CNTN5: variants seen among roughly 807,000 people sequenced by gnomAD.
CNTN5 encodes contactin 5.
In CNTN5, 77 loss-of-function variants were observed where a neutral mutation model predicts 129.1. The ratio of observed to expected loss-of-function variants is 0.60; its 90% CI spans 0.50 to 0.72. CNTN5 has a LOEUF of 0.72. Among genes scored for constraint, CNTN5 ranks in the 30% least tolerant of loss-of-function variants. The pLI, the probability that CNTN5 is intolerant of heterozygous loss-of-function variation, is 0.00. For missense variants in CNTN5, 1,478 were observed against 1,328.8 expected, an observed-to-expected ratio of 1.11 and a Z score of -1.75; for synonymous variants, 509 against 465.6, an observed-to-expected ratio of 1.09 and a Z score of -1.20.
intron 6 of CNTN5, among the ~76,000 whole-genome samples, chr11:99,853,267 C>T (rs1049912482): frequency 1.3e-5 from 2 of 151,972 alleles, no homozygotes; most frequent in African/African-American, 4.8e-5. Context: ...TGCTATGTTT[C>T]ATGTGTAACG....
chr11:99,810,089 A>G (rs1272296797), intron 3 of CNTN5, among the ~76,000 whole-genome samples: 1 of 152,128 alleles, frequency 6.6e-6, no homozygotes, highest in African/African-American at 2.4e-5. Flanking sequence ...ATAGGTTTTT[A>G]AAAACTTAAC....
At position 99,836,546 on chromosome 11, in the gene CNTN5, T is replaced by C. The variant is rs532443698; in HGVS notation, c.278-8306T>C. Reference sequence around the variant, plus strand: ...TTTTCTTAATCCAGTCTATCATTGATGGACATTTGGGTTGGTTCCAAGTCT... The same window carrying C: ...TTTTCTTAATCCAGTCTATCATTGACGGACATTTGGGTTGGTTCCAAGTCT... On this transcript the variant is annotated intron_variant, in intron 4 of 24. Transcript: ENST00000524871. Among the ~76,000 whole-genome samples the C allele has an allele frequency of 4.2e-4, 64 of 152,286 alleles. No homozygotes were observed. In the South Asian group the frequency reaches 0.013, roughly 31 times the overall value.
intron 1 of CNTN5, among the ~76,000 whole-genome samples, chr11:99,079,468 T>C (rs1865708181): frequency 6.6e-6 from 1 of 152,192 alleles, no homozygotes; most frequent in South Asian, 2.1e-4. Context: ...CAGTAAGCGC[T>C]GTCAAATAAA....
At chr11:99,971,807 T>C (rs926245700) in intron 8 of CNTN5, among the ~76,000 whole-genome samples, 4 of 151,686 alleles carry the variant, frequency 2.6e-5, no homozygotes, top group African/African-American at 4.9e-5. Flanking sequence ...TATTTAGCAA[T>C]AAACATTTTT....
At chr11:99,818,677 G>A (rs984562634) in intron 3 of CNTN5, among the ~76,000 whole-genome samples, 1 of 151,768 alleles carries the variant, frequency 6.6e-6, no homozygotes, top group Non-Finnish European at 1.5e-5. Flanking sequence ...TAATTAGTTT[G>A]TATTTTTAAA....
rs140949944 is a variant in CNTN5 at position 99,188,580 on chromosome 11, A to G, written c.-209-136766A>G. Among the ~76,000 whole-genome samples, 476 of 151,944 alleles carry G rather than the reference A, an allele frequency of 3.1e-3. 2 individuals carry two copies. The highest frequency in any genetic ancestry group is 0.011 in the African/African-American group (470 of 41,538). ...AAAACATGATTTTAATGTTTCTTATATCCCACTATATGAAAGGAACACGAT... is the reference window on the plus strand; with the variant it reads ...AAAACATGATTTTAATGTTTCTTATGTCCCACTATATGAAAGGAACACGAT... On this transcript the variant is annotated intron_variant, in intron 1 of 24. Coordinates refer to ENST00000524871, the MANE Select transcript of CNTN5 (RefSeq NM_014361.4).
intron 1 of CNTN5, among the ~76,000 whole-genome samples, chr11:99,230,089 C>T (rs981441258): frequency 6.6e-6 from 1 of 152,046 alleles, no homozygotes; most frequent in Non-Finnish European, 1.5e-5. Flanking sequence ...ATAAAACTTA[C>T]ATACAATGAT....
intron 6 of CNTN5, among the ~76,000 whole-genome samples, chr11:99,912,188 G>A (rs1317458586): frequency 6.6e-6 from 1 of 151,888 alleles, no homozygotes; most frequent in Non-Finnish European, 1.5e-5. Context: ...GAGGGAAAGG[G>A]AAGAAAAAAG....
intron 18 of CNTN5, among the ~76,000 whole-genome samples, chr11:100,279,228 C>T (rs1430682188): frequency 6.6e-6 from 1 of 151,384 alleles, no homozygotes; most frequent in Non-Finnish European, 1.5e-5. Context: ...AGAAATTTTG[C>T]ATTGATACTT....
chr11:100,284,514 C>T (rs1950722934), intron 18 of CNTN5, among the ~76,000 whole-genome samples: 2 of 152,112 alleles, frequency 1.3e-5, no homozygotes, highest in African/African-American at 2.4e-5. Context: ...AAAGATGACA[C>T]TCAGGACAAA....
chr11:100,032,246 C>G (rs183596435), intron 9 of CNTN5, among the ~76,000 whole-genome samples: 1 of 152,088 alleles, frequency 6.6e-6, no homozygotes, highest in Non-Finnish European at 1.5e-5. Flanking sequence ...ATTAGGTTAT[C>G]TGAGTGTTCT....
chr11:99,968,664 T>G (rs1477351098), intron 8 of CNTN5, among the ~76,000 whole-genome samples: 1 of 117,098 alleles, frequency 8.5e-6, no homozygotes, highest in African/African-American at 3.8e-5. Flanking sequence ...TACTTTTTTT[T>G]TTTTTTTTTT....
rs536995557 is a variant in CNTN5 at position 100,023,791 on chromosome 11, T to C, written c.980+21655T>C. The stretch of plus-strand genomic sequence containing the variant: ...CTTTTCAGGTTGGCCTTTTTAAATT[T>C]AGTAATGCACACTTAAGTTTTCTCC... On this transcript the variant is annotated intron_variant, in intron 9 of 24. Transcript: ENST00000524871. Among the ~76,000 whole-genome samples, 3 of 152,304 alleles carry C rather than the reference T, an allele frequency of 2.0e-5. No homozygotes were observed. The East Asian group carries it at 5.8e-4, about 29-fold the overall frequency.
chr11:99,102,886 C>G (rs924974330), intron 1 of CNTN5, among the ~76,000 whole-genome samples: 5 of 152,044 alleles, frequency 3.3e-5, no homozygotes, highest in Admixed American at 6.6e-5. Context: ...CTGTATTAGT[C>G]CATTTTCACG....
At chr11:100,106,028 G>A (rs1026459045) in intron 13 of CNTN5, among the ~76,000 whole-genome samples, 1 of 152,086 alleles carries the variant, frequency 6.6e-6, no homozygotes, top group Admixed American at 6.6e-5. Flanking sequence ...CAGATCATAA[G>A]GCTTACCATG....
intron 1 of CNTN5, among the ~76,000 whole-genome samples, chr11:99,117,348 G>A (rs1858090916): frequency 6.6e-6 from 1 of 152,118 alleles, no homozygotes; most frequent in East Asian, 1.9e-4. Flanking sequence ...TGAGTGGCCT[G>A]CTTTGTACCT....
intron 6 of CNTN5, among the ~76,000 whole-genome samples, chr11:99,894,585 CA>C (rs1386503008): frequency 7.4e-6 from 1 of 134,310 alleles, no homozygotes; most frequent in Non-Finnish European, 1.6e-5. Flanking sequence ...GCAAAACAAA[CA>C]AACAAAAAAA....
rs373232138 is a variant in CNTN5, at chr11:99,558,883, T to C, written c.55+2614T>C. On this transcript the variant is annotated intron_variant, in intron 3 of 24. Transcript: ENST00000524871. ...CGGTTGATGTGCAGCAAATATTCAG[T>C]TGCTTTTTTAAACAGATGAATTTCT... Among the ~76,000 whole-genome samples, 95 of 152,202 alleles carry C rather than the reference T, an allele frequency of 6.2e-4. 4 individuals are homozygous for C. In the South Asian group the frequency reaches 0.019, roughly 30 times the overall value.
At chr11:99,737,165 A>T (rs1943739241) in intron 3 of CNTN5, among the ~76,000 whole-genome samples, 1 of 151,830 alleles carries the variant, frequency 6.6e-6, no homozygotes, top group South Asian at 2.1e-4. Flanking sequence ...ACACACACGC[A>T]CACGCACACA....
Sources: allele counts gnomAD v4.1 joint callset (sites outside exome capture counted in the v4.1 genomes callset), GRCh38; gene constraint gnomAD v4.1.1; transcripts MANE v1.5; gene names NCBI Gene and HGNC (gene_info 2026-07-23, HGNC 2026-07-21).